GPC5: variants seen among roughly 807,000 people sequenced by gnomAD.
The protein encoded by GPC5 is glypican 5.
Under a neutral mutation model 53.9 loss-of-function variants are expected in GPC5, and 47 were observed. The ratio of observed to expected loss-of-function variants is 0.87; its 90% CI spans 0.69 to 1.11. GPC5 has a LOEUF of 1.11. Ranked by LOEUF, GPC5 falls within the 50% of genes most tolerant of loss-of-function variation. The pLI is 0.00. For synonymous variants in GPC5, 286 were observed against 263.3 expected (o/e 1.09, Z -0.84); for missense variants, 748 against 713.1 (o/e 1.05, Z -0.56).
intron 7 of GPC5, among the ~76,000 whole-genome samples, chr13:92,553,637 G>C (rs1281959127): frequency 1.3e-5 from 2 of 151,982 alleles, no homozygotes; most frequent in Admixed American, 1.3e-4. Flanking sequence ...GAGAGGAACT[G>C]TCTGACAGCT....
chr13:92,606,422 CT>C (rs1188290847), intron 7 of GPC5, among the ~76,000 whole-genome samples: 7 of 152,106 alleles, frequency 4.6e-5, no homozygotes, highest in African/African-American at 1.7e-4. Flanking sequence ...TGAACTCATC[CT>C]TTTTTATGGC....
At chr13:92,837,052 G>A (rs530596213) in intron 7 of GPC5, among the ~76,000 whole-genome samples, 208 of 152,204 alleles carry the variant, frequency 1.4e-3, no homozygotes, top group Non-Finnish European at 2.0e-3. Context: ...CATTATGGAA[G>A]AGACCTGATA....
intron 7 of GPC5, chr13:92,240,361 A>G (rs189847878): frequency 7.0e-4 from 107 of 152,134 alleles, no homozygotes; most frequent in African/African-American, 2.2e-3. Flanking sequence ...CTATAGTTTT[A>G]TGTATATTGA....
intron 7 of GPC5, among the ~76,000 whole-genome samples, chr13:92,854,931 C>T (rs8002882): frequency 0.84 from 128,121 of 151,954 alleles, 54,401 homozygotes; most frequent in African/African-American, 0.95. Flanking sequence ...GCCTATGCTT[C>T]TAAGATCTTA....
intron 7 of GPC5, among the ~76,000 whole-genome samples, chr13:92,694,663 T>C (rs1887507576): frequency 6.6e-6 from 1 of 152,226 alleles, no homozygotes; most frequent in Admixed American, 6.5e-5. Context: ...GTGTTTGATT[T>C]TAAAGGCTCA....
At chr13:92,803,428 A>T (rs1411993237) in intron 7 of GPC5, among the ~76,000 whole-genome samples, 1 of 151,866 alleles carries the variant, frequency 6.6e-6, no homozygotes, top group Non-Finnish European at 1.5e-5. Flanking sequence ...TAATTTTGTA[A>T]ATTTTCCATG....
intron 7 of GPC5, among the ~76,000 whole-genome samples, chr13:92,434,697 G>A (rs889005874): frequency 7.9e-5 from 12 of 152,052 alleles, no homozygotes; most frequent in Admixed American, 3.3e-4. Flanking sequence ...AAAGTTAAGA[G>A]AAATATCTGT....
At chr13:92,024,777 C>G (rs2040787394) in intron 6 of GPC5, among the ~76,000 whole-genome samples, 1 of 152,148 alleles carries the variant, frequency 6.6e-6, no homozygotes, top group African/African-American at 2.4e-5. Context: ...AAGATTTAAT[C>G]TGCTGTAATA....
chr13:92,736,295 C>T (rs1888933712), intron 7 of GPC5, among the ~76,000 whole-genome samples: 2 of 151,924 alleles, frequency 1.3e-5, no homozygotes, highest in East Asian at 3.9e-4. Context: ...GCCACAGTTA[C>T]CTTTGTCAGG....
chr13:92,615,845 G>T (rs552844235), intron 7 of GPC5, among the ~76,000 whole-genome samples: 5 of 152,072 alleles, frequency 3.3e-5, no homozygotes, highest in Non-Finnish European at 7.4e-5. Flanking sequence ...ACGAGGTCAG[G>T]AGATCGAGAC....
intron 2 of GPC5, among the ~76,000 whole-genome samples, chr13:91,632,001 A>G (rs1248186520): frequency 6.6e-6 from 1 of 152,148 alleles, no homozygotes; most frequent in Non-Finnish European, 1.5e-5. Context: ...TTCTTACTGT[A>G]TCAGAAGCAC....
intron 7 of GPC5, among the ~76,000 whole-genome samples, chr13:92,732,936 C>A (rs1477687097): frequency 2.0e-5 from 3 of 151,564 alleles, no homozygotes; most frequent in Admixed American, 6.6e-5. Flanking sequence ...ATTTTGCTCC[C>A]AGGTTTTTGT....
chr13:91,866,418 A>G (rs1429596592), intron 5 of GPC5, among the ~76,000 whole-genome samples: 2 of 152,100 alleles, frequency 1.3e-5, no homozygotes, highest in Non-Finnish European at 2.9e-5. Context: ...TTTTTTCCCA[A>G]AGGTGGATCC....
chr13:91,581,586 T>C (rs1242314726), intron 2 of GPC5, among the ~76,000 whole-genome samples: 1 of 152,224 alleles, frequency 6.6e-6, no homozygotes, highest in Non-Finnish European at 1.5e-5. Context: ...TATTCACTAA[T>C]ATATTTTGTA....
intron 6 of GPC5, among the ~76,000 whole-genome samples, chr13:92,117,039 A>T (rs1287886280): frequency 6.6e-6 from 1 of 152,108 alleles, no homozygotes; most frequent in Non-Finnish European, 1.5e-5. Context: ...TTTAATTTGG[A>T]TGAAGCTCAA....
chr13:92,284,919 G>A (rs998505691), intron 7 of GPC5, among the ~76,000 whole-genome samples: 5 of 152,086 alleles, frequency 3.3e-5, no homozygotes, highest in African/African-American at 1.2e-4. Flanking sequence ...AATAAATAAA[G>A]GGTATTCAAT....
chr13:92,680,542 A>C (rs1360902499), intron 7 of GPC5, among the ~76,000 whole-genome samples: 1 of 152,218 alleles, frequency 6.6e-6, no homozygotes, highest in Non-Finnish European at 1.5e-5. Flanking sequence ...ATTGCTCTAA[A>C]GACAAAGGAA....
chr13:91,781,839 C>T (rs1172501130), intron 5 of GPC5, among the ~76,000 whole-genome samples: 5 of 152,192 alleles, frequency 3.3e-5, no homozygotes, highest in African/African-American at 1.2e-4. Flanking sequence ...CAATAAACTT[C>T]CACTCTTCCT....
chr13:92,057,945 C>G (rs1227978020), intron 6 of GPC5, among the ~76,000 whole-genome samples: 1 of 152,058 alleles, frequency 6.6e-6, no homozygotes, highest in African/African-American at 2.4e-5. Flanking sequence ...TCCTACACCT[C>G]TGAAGTTGCA....
Sources: gnomAD v4.1 joint callset for allele counts (sites outside exome capture counted in the v4.1 genomes callset) on GRCh38, gnomAD v4.1.1 for gene constraint, MANE v1.5 for transcripts, NCBI Gene and HGNC (gene_info 2026-07-23, HGNC 2026-07-21) for gene names.